The following SLC4A4 variants were observed in gnomAD, a reference collection of about 807,000 sequenced individuals.
SLC4A4 encodes the protein solute carrier family 4 member 4, also known as electrogenic sodium bicarbonate cotransporter 1.
In SLC4A4, 27 loss-of-function variants were observed where a neutral mutation model predicts 111.5. The observed-to-expected ratio is 0.24, with a 90% CI of 0.18 to 0.33. SLC4A4 has a LOEUF of 0.33. Ranked by LOEUF, SLC4A4 falls within the 10% of genes least tolerant of loss-of-function variation. SLC4A4 has a pLI of 1.00. For missense variants in SLC4A4, 909 were observed against 1,315.5 expected, an observed-to-expected ratio of 0.69 and a Z score of 4.78; for synonymous variants, 443 against 463.4, an observed-to-expected ratio of 0.96 and a Z score of 0.57.
chr4:71,514,721 A>G (rs561616056), intron 16 of SLC4A4, among the ~76,000 whole-genome samples: 13 of 152,212 alleles, frequency 8.5e-5, no homozygotes, highest in African/African-American at 3.1e-4. Context: ...TTCAATTTTA[A>G]TTGGCATGTT....
chr4:71,167,908 T>G (rs1001917746), intron 2 of SLC4A4, among the ~76,000 whole-genome samples: 1 of 152,150 alleles, frequency 6.6e-6, no homozygotes, highest in African/African-American at 2.4e-5. Context: ...TCTCTCTATC[T>G]TCAGTCCTCA....
intron 2 of SLC4A4, among the ~76,000 whole-genome samples, chr4:71,250,594 G>A (rs1578677298): frequency 6.6e-6 from 1 of 152,140 alleles, no homozygotes; most frequent in African/African-American, 2.4e-5. Context: ...AAGCTTTAGG[G>A]TGAAGGGAAA....
chr4:71,564,642 G>T (rs1737304419), intron 24 of SLC4A4, among the ~76,000 whole-genome samples: 1 of 151,782 alleles, frequency 6.6e-6, no homozygotes, highest in Admixed American at 6.6e-5. Context: ...CGTTCTCATT[G>T]AAGAAAATGC....
chr4:71,404,055 C>T (rs1368647182), intron 7 of SLC4A4, among the ~76,000 whole-genome samples: 1 of 152,082 alleles, frequency 6.6e-6, no homozygotes, highest in African/African-American at 2.4e-5. Flanking sequence ...AAAGGTCATC[C>T]ATGTACTGTT....
chr4:71,213,183 A>G (rs1008399524), intron 1 of SLC4A4, among the ~76,000 whole-genome samples: 1 of 152,248 alleles, frequency 6.6e-6, no homozygotes, highest in African/African-American at 2.4e-5. Context: ...TTACCAATGC[A>G]TGACTGCATA....
intron 3 of SLC4A4, among the ~76,000 whole-genome samples, chr4:71,295,728 G>A (rs1025424818): frequency 6.6e-6 from 1 of 150,740 alleles, no homozygotes; most frequent in Non-Finnish European, 1.5e-5. Flanking sequence ...GTGTGATCTC[G>A]GTTCACTGTA....
chr4:71,236,423 C>A (rs1009506914), intron 1 of SLC4A4, 153 bp from the exon 2 acceptor site: 1 of 780,230 alleles, frequency 1.3e-6, no homozygotes, highest in Non-Finnish European at 2.0e-6. Context: ...AGAGGAGCTG[C>A]GTGAAGCAGT....
intron 3 of SLC4A4, among the ~76,000 whole-genome samples, chr4:71,305,515 A>C (rs1419624969): frequency 1.3e-5 from 2 of 152,242 alleles, no homozygotes; most frequent in Non-Finnish European, 2.9e-5. Flanking sequence ...GTATGCTAAA[A>C]TGTTAAATCA....
chr4:71,388,085 T>C (rs2148962779), intron 6 of SLC4A4, among the ~76,000 whole-genome samples: 1 of 152,314 alleles, frequency 6.6e-6, no homozygotes, highest in Admixed American at 6.5e-5. Context: ...GTTACACCGT[T>C]GATAGGTTTT....
chr4:71,394,160 G>C (rs1486196871), intron 6 of SLC4A4, among the ~76,000 whole-genome samples: 1 of 152,062 alleles, frequency 6.6e-6, no homozygotes, highest in Non-Finnish European at 1.5e-5. Flanking sequence ...AAGATAAATA[G>C]TTGGAACTTA....
chr4:71,269,177 A>C (rs1278283968), intron 3 of SLC4A4, among the ~76,000 whole-genome samples: 4 of 152,256 alleles, frequency 2.6e-5, no homozygotes, highest in African/African-American at 9.6e-5. Flanking sequence ...GGTGCAGTCA[A>C]ATCTTGGAGG....
chr4:71,490,314 T>A (rs1729782512), intron 15 of SLC4A4, among the ~76,000 whole-genome samples: 1 of 151,888 alleles, frequency 6.6e-6, no homozygotes, highest in Non-Finnish European at 1.5e-5. Context: ...GTTAGTATTT[T>A]GTTTTTCCAC....
intron 3 of SLC4A4, among the ~76,000 whole-genome samples, chr4:71,324,461 A>AT (rs1727356643): frequency 6.6e-6 from 1 of 151,990 alleles, no homozygotes; most frequent in African/African-American, 2.4e-5. Flanking sequence ...TGGGCCAATA[A>AT]TTTTTTAAAC....
intron 6 of SLC4A4, among the ~76,000 whole-genome samples, chr4:71,381,369 GAAGTGTCTAGAGCCTGTAAGA>G (rs994921806): frequency 7.2e-5 from 11 of 152,252 alleles, no homozygotes; most frequent in African/African-American, 2.6e-4. Flanking sequence ...AGTTTCTAGG[GAAGTGTCTAGAGCCTGTAAGA>G]AAGTGGCACT....
chr4:71,131,213 A>C (rs1056254405), intron 2 of SLC4A4, among the ~76,000 whole-genome samples: 4 of 152,206 alleles, frequency 2.6e-5, no homozygotes, highest in African/African-American at 9.6e-5. Context: ...AAAAATTGAC[A>C]GAAAAAGCAA....
chr4:71,508,151 AC>A (rs1422915669), intron 16 of SLC4A4, among the ~76,000 whole-genome samples: 13 of 152,164 alleles, frequency 8.5e-5, no homozygotes, highest in Non-Finnish European at 8.8e-5. Context: ...TCTCAAGTTA[AC>A]AAGCTAACAT....
At chr4:71,380,305 T>C (rs1489370335) in intron 6 of SLC4A4, among the ~76,000 whole-genome samples, 1 of 152,174 alleles carries the variant, frequency 6.6e-6, no homozygotes, top group Admixed American at 6.5e-5. Context: ...AAAACATTTC[T>C]CTGAAGTAAG....
At chr4:71,511,013 C>T (rs1194187586) in intron 16 of SLC4A4, among the ~76,000 whole-genome samples, 2 of 152,002 alleles carry the variant, frequency 1.3e-5, no homozygotes, top group African/African-American at 2.4e-5. Context: ...TATATCTCCC[C>T]CAATAATTTT....
At position 71,339,383 on chromosome 4, in the gene SLC4A4, A is replaced by G. The variant is rs1560422756; in HGVS notation, c.267A>G (p.Ala89=). Residue 89 remains alanine, a synonymous_variant, in exon 4 of 26, where the codon GCA becomes GCG. Coordinates refer to ENST00000264485, the MANE Select transcript of SLC4A4 (RefSeq NM_001098484.3). Reference sequence around the variant, plus strand: ...TCACTTCTGCAGTCTCTCCTGCTGCAGAACGCATCCGATTCATCTTGGGAG... The same window carrying G: ...TCACTTCTGCAGTCTCTCCTGCTGCGGAACGCATCCGATTCATCTTGGGAG... ...SILKPLISPA[A]ERIRFILGEE... is the part of the protein sequence containing the mutation. 2.5e-6 allele frequency: 4 copies of G among 1,614,098 alleles called. No individual in the cohort carries two copies. The highest frequency in any genetic ancestry group is 3.4e-6 in the Non-Finnish European group (4 of 1,180,044).
Sources: allele counts gnomAD v4.1 joint callset (sites outside exome capture counted in the v4.1 genomes callset), GRCh38; gene constraint gnomAD v4.1.1; transcripts MANE v1.5; gene names NCBI Gene and HGNC (gene_info 2026-07-23, HGNC 2026-07-21).